FGD2: variants seen among roughly 807,000 people sequenced by gnomAD.
FGD2 encodes the protein FYVE, RhoGEF and PH domain-containing protein 2.
FGD2 carries 52 observed loss-of-function variants against 75.9 expected under a neutral mutation model. The ratio of observed to expected loss-of-function variants is 0.69; its 90% CI spans 0.55 to 0.86. The LOEUF is 0.86. Ranked by LOEUF, FGD2 falls within the 40% of genes least tolerant of loss-of-function variation. The probability of loss-of-function intolerance (pLI) is 0.00; values close to 1 mark genes in which losing one functional copy is unlikely to be tolerated. For synonymous variants in FGD2, 347 were observed against 348.6 expected (o/e 1.00, Z 0.05); for missense variants, 790 against 872.0 (o/e 0.91, Z 1.18).
chr6:37,023,357 C>G (rs759983865), intron 13 of FGD2: 4 of 154,158 alleles, frequency 2.6e-5, no homozygotes, highest in African/African-American at 9.6e-5. Context: ...TTCTTTCCCC[C>G]TCCTCCATAA....
intron 11 of FGD2, 149 bp downstream of exon 11, chr6:37,020,888 ATGTGTG>A (rs58421270): frequency 1.4e-4 from 96 of 697,554 alleles, no homozygotes; most frequent in Middle Eastern, 4.0e-4. Flanking sequence ...GTATGTATGC[ATGTGTG>A]TGTGTGTGTG....
In FGD2 at chr6:37,013,401, G is replaced by A. The variant is rs137947613; in HGVS notation, c.528-208G>A. The A allele has an allele frequency of 6.2e-3, 8,507 of 1,371,492 alleles. 91 individuals carry two copies. The highest frequency in any genetic ancestry group is 0.041 in the African/African-American group (2,777 of 68,434). The allele number at this position is 1,371,492 out of a possible 1,614,324, so 85.0% of individuals were successfully genotyped here. Reference sequence around the variant, plus strand: ...GGGCCTTGTGGATGAGGCCAACCTGGGACCAGAACAGCCTTTGGCCTCAGG... The same window carrying A: ...GGGCCTTGTGGATGAGGCCAACCTGAGACCAGAACAGCCTTTGGCCTCAGG... On this transcript the variant is annotated intron_variant, in intron 4 of 15. Coordinates refer to ENST00000274963, the MANE Select transcript of FGD2 (RefSeq NM_173558.4).
At chr6:37,012,126 A>G in intron 4 of FGD2, 1 of 373,494 alleles carries the variant, frequency 2.7e-6, no homozygotes, top group Admixed American at 4.7e-5. Flanking sequence ...GAAAATAGCC[A>G]GTGCCAACTG....
intron 9 of FGD2, among the ~76,000 whole-genome samples, chr6:37,016,763 C>G (rs1171955496): frequency 1.3e-5 from 2 of 152,164 alleles, no homozygotes; most frequent in African/African-American, 4.8e-5. Context: ...TCTCAAACTC[C>G]TGACCTCAAG....
At chr6:37,022,917 A>G (rs887935529) in intron 13 of FGD2, 5 of 155,418 alleles carry the variant, frequency 3.2e-5, no homozygotes, top group African/African-American at 1.2e-4. Flanking sequence ...CATTTTTTAG[A>G]TGGGAAAATG....
In FGD2 at chr6:37,018,883, A is replaced by G. The variant is rs551407672; in HGVS notation, c.1123-1658A>G. On this transcript the variant is annotated intron_variant, in intron 9 of 15. Coordinates refer to ENST00000274963, the MANE Select transcript of FGD2 (RefSeq NM_173558.4). ...TTTCTAATTACTACAAACGTACTGT[A>G]TGGACTAGCAGGGGACTGAATTGAC... 3.9e-5 allele frequency among the ~76,000 whole-genome samples: 6 copies of G among 152,336 alleles called. No homozygotes were observed. In the East Asian group the frequency reaches 1.2e-3, roughly 29 times the overall value.
chr6:37,028,066 A>G lies in FGD2; in HGVS notation c.1871A>G (p.Glu624Gly). 1 of 1,613,870 alleles carries G rather than the reference A, an allele frequency of 6.2e-7. No individual in the cohort carries two copies. Among genetic ancestry groups the G allele is most frequent in the African/African-American group, 1.3e-5 (1 of 75,064 alleles). The change falls in exon 16 of 16, where the codon GAG (glutamate) becomes GGG (glycine). Residue 624 changes from glutamate to glycine, a missense_variant. Glu to Gly is a moderately conservative substitution (Grantham distance 98). Transcript: ENST00000274963. Reference sequence around the variant, plus strand: ...GGCCAGCTCTACACCTTCAAGGCCGAGACGGAGGAGCTGAAGGGCCGCTGG... The same window carrying G: ...GGCCAGCTCTACACCTTCAAGGCCGGGACGGAGGAGCTGAAGGGCCGCTGG... ...QSGQLYTFKA[E>G]TEELKGRWVK...
chr6:37,013,426 G>C, intron 4 of FGD2, 183 bp from the exon 5 acceptor site: 1 of 1,399,436 alleles, frequency 7.1e-7, no homozygotes, highest in Non-Finnish European at 9.3e-7. Flanking sequence ...TTGGCCTCAG[G>C]AGGCTCACAG....
At chr6:37,015,427 G>C (rs533309839) in intron 8 of FGD2, among the ~76,000 whole-genome samples, 1 of 152,350 alleles carries the variant, frequency 6.6e-6, no homozygotes, top group East Asian at 1.9e-4. Context: ...CTGGAAAGGT[G>C]GTCCTGCCTG....
chr6:37,021,902 CAA>C lies in FGD2; in HGVS notation c.1326+300_1326+301del, dbSNP rs1298866366. ...TGGGTTTGAAAGTATCTGAGAAATACAAAGTCTCAGGGAAGATGGAAGGTGAG... is the reference window on the plus strand; with the variant it reads ...TGGGTTTGAAAGTATCTGAGAAATACAGTCTCAGGGAAGATGGAAGGTGAG... On this transcript the variant is annotated intron_variant, in intron 12 of 15. Transcript: ENST00000274963. The C allele has an allele frequency of 1.5e-5, 7 of 479,488 alleles. 1 individual carries two copies. Among genetic ancestry groups the C allele is most frequent in the African/African-American group, 3.9e-5 (2 of 51,436 alleles). 29.7% of individuals were successfully genotyped at this position (479,488 alleles called of 1,614,324 possible). A position where few individuals can be genotyped will look rare whatever the true frequency, so the allele number is the denominator to read the frequency against.
intron 9 of FGD2, among the ~76,000 whole-genome samples, chr6:37,017,948 G>C (rs953729052): frequency 1.3e-5 from 2 of 152,198 alleles, no homozygotes; most frequent in African/African-American, 4.8e-5. Context: ...AGTCTTTTAG[G>C]AGTGCAGCCC....
chr6:37,019,779 C>T (rs1765475782), intron 9 of FGD2, among the ~76,000 whole-genome samples: 1 of 152,090 alleles, frequency 6.6e-6, no homozygotes, highest in Non-Finnish European at 1.5e-5. Flanking sequence ...ATTTCCTCAT[C>T]TCCTAAATGA....
In FGD2 at chr6:37,014,117, G is replaced by T; in HGVS notation, c.823+17G>T. On this transcript the variant is annotated intron_variant, in intron 6 of 15. Transcript: ENST00000274963. ...ATGCCCAGAGTGAGGACACCCCCAG[G>T]GGTCCCAGGGGGCTGAGGAGGCCTA... 1 of 1,611,264 alleles carries T rather than the reference G, an allele frequency of 6.2e-7. No individual in the cohort carries two copies. The highest frequency in any genetic ancestry group is 8.5e-7 in the Non-Finnish European group (1 of 1,178,730).
intron 3 of FGD2, 142 bp from the exon 4 acceptor site, chr6:37,011,564 T>C (rs1765005099): frequency 2.6e-6 from 3 of 1,165,680 alleles, no homozygotes; most frequent in Non-Finnish European, 3.7e-6. Context: ...CCCTGCCTTC[T>C]TTTCCCGGGG....
intron 3 of FGD2, 27 bp downstream of exon 3, chr6:37,011,077 G>C (rs1265567216): frequency 6.2e-7 from 1 of 1,611,416 alleles, no homozygotes; most frequent in East Asian, 2.2e-5. Context: ...CCCCCCTCTA[G>C]AGCCCCAGCC....
intron 9 of FGD2, among the ~76,000 whole-genome samples, chr6:37,018,880 T>C (rs531607935): frequency 2.6e-5 from 4 of 152,338 alleles, no homozygotes; most frequent in Non-Finnish European, 5.9e-5. Context: ...ACAAACGTAC[T>C]GTATGGACTA....
chr6:37,014,820 C>G (rs779333204), intron 7 of FGD2, 72 bp from the exon 8 acceptor site: 1 of 1,609,560 alleles, frequency 6.2e-7, no homozygotes, highest in Non-Finnish European at 8.5e-7. Flanking sequence ...GTCCCCGTCC[C>G]CACAAGGCAA....
At chr6:37,020,920 G>A (rs1583317104) in intron 11 of FGD2, among the ~76,000 whole-genome samples, 181 bp downstream of exon 11, 1 of 145,522 alleles carries the variant, frequency 6.9e-6, no homozygotes, top group African/African-American at 2.6e-5. Context: ...GTGCATGTGT[G>A]TATGCATGTG....
In FGD2 at chr6:37,011,777, C is replaced by A; in HGVS notation, c.450C>A (p.Ile150=). Reference sequence around the variant, plus strand: ...TCCCAGAGGATGTGGTCAGGGTCATCTTCTCCAACATCTCCTCCATCTATC... The same window carrying A: ...TCCCAGAGGATGTGGTCAGGGTCATATTCTCCAACATCTCCTCCATCTATC... ...KAFPEDVVRV[I]FSNISSIYQF... is the part of the protein sequence containing the mutation. The change falls in exon 4 of 16, where the codon ATC becomes ATA. Residue 150 remains isoleucine, a synonymous_variant. Coordinates refer to ENST00000274963, the MANE Select transcript of FGD2 (RefSeq NM_173558.4). The A allele has an allele frequency of 6.2e-7, 1 of 1,614,208 alleles. No individual in the cohort carries two copies. Among genetic ancestry groups the A allele is most frequent in the Non-Finnish European group, 8.5e-7 (1 of 1,180,032 alleles).
Sources: gnomAD v4.1 joint callset for allele counts (sites outside exome capture counted in the v4.1 genomes callset) on GRCh38, gnomAD v4.1.1 for gene constraint, MANE v1.5 for transcripts, NCBI Gene and HGNC (gene_info 2026-07-23, HGNC 2026-07-21) for gene names.